The following NCS1 variants were observed in gnomAD, a reference collection of about 807,000 sequenced individuals.
NCS1 encodes neuronal calcium sensor 1.
Under a neutral mutation model 28.4 loss-of-function variants are expected in NCS1, and 6 were observed. That is an observed-to-expected ratio of 0.21 (90% CI 0.12 to 0.42). The LOEUF is 0.42. Ranked by LOEUF, NCS1 falls within the 10% of genes least tolerant of loss-of-function variation. NCS1 has a pLI of 1.00. For synonymous variants in NCS1, 86 were observed against 99.3 expected, an observed-to-expected ratio of 0.87 and a Z score of 0.79; for missense variants, 131 against 241.4, an observed-to-expected ratio of 0.54 and a Z score of 3.03.
At chr9:130,178,781 A>G (rs1207856987) in intron 1 of NCS1, among the ~76,000 whole-genome samples, 1 of 138,758 alleles carries the variant, frequency 7.2e-6, no homozygotes, top group East Asian at 3.5e-4. Flanking sequence ...TGGGGATGAC[A>G]TGAAAGACAG....
intron 4 of NCS1, among the ~76,000 whole-genome samples, chr9:130,222,110 A>G (rs1325407697): frequency 2.8e-5 from 1 of 35,964 alleles, no homozygotes; most frequent in African/African-American, 8.4e-5. Flanking sequence ...GTATATATAT[A>G]TACGTATATA....
At chr9:130,185,809 C>G (rs895272432) in intron 1 of NCS1, among the ~76,000 whole-genome samples, 1 of 152,286 alleles carries the variant, frequency 6.6e-6, no homozygotes, top group Non-Finnish European at 1.5e-5. Flanking sequence ...CCCACCACCC[C>G]CTGCGCGCCC....
chr9:130,222,978 G>T (rs1454366544), intron 5 of NCS1, 104 bp from the exon 6 acceptor site: 1 of 897,734 alleles, frequency 1.1e-6, no homozygotes, highest in East Asian at 2.9e-5. Flanking sequence ...AGAAGAGGGG[G>T]GCGGCCCTCA....
intron 1 of NCS1, among the ~76,000 whole-genome samples, chr9:130,199,491 T>C (rs80069412): frequency 2.6e-5 from 4 of 152,208 alleles, no homozygotes; most frequent in Non-Finnish European, 5.9e-5. Flanking sequence ...AGCACGGGGA[T>C]GGAGGCATCT....
intron 6 of NCS1, among the ~76,000 whole-genome samples, chr9:130,224,882 AC>A (rs1231175134): frequency 6.6e-6 from 1 of 152,226 alleles, no homozygotes; most frequent in African/African-American, 2.4e-5. Flanking sequence ...TCCAGGTGTT[AC>A]GTGCCTTCAG....
chr9:130,203,046 ATG>A (rs113946626), intron 2 of NCS1, among the ~76,000 whole-genome samples: 15,746 of 142,460 alleles, frequency 0.11, 1,109 homozygotes, highest in African/African-American at 0.21. Context: ...CAGGGTAAAT[ATG>A]TGTGTGTGTG....
intron 1 of NCS1, among the ~76,000 whole-genome samples, chr9:130,174,133 G>A (rs1832529958): frequency 6.6e-6 from 1 of 152,168 alleles, no homozygotes; most frequent in East Asian, 1.9e-4. Flanking sequence ...AGATTCGCTG[G>A]GGACTCCTTC....
chr9:130,180,765 G>A lies in NCS1; in HGVS notation c.64+8038G>A, dbSNP rs536711206. On this transcript the variant is annotated intron_variant, in intron 1 of 7. Transcript: ENST00000372398. This position sits in a 1 kb window ranked among gnomAD's most constrained non-coding sequence, Gnocchi z 4.5. ...CAGGAAGGAGGCTGCTGGACCGGCTGTATCAGGGACAGCCGTTCTTGGCCA... is the reference window on the plus strand; with the variant it reads ...CAGGAAGGAGGCTGCTGGACCGGCTATATCAGGGACAGCCGTTCTTGGCCA... Among the ~76,000 whole-genome samples the A allele has an allele frequency of 2.1e-4, 32 of 152,338 alleles. No homozygotes were observed. The East Asian group carries it at 4.8e-3, about 23-fold the overall frequency.
chr9:130,182,242 G>A (rs1832670125), intron 1 of NCS1, among the ~76,000 whole-genome samples: 1 of 152,198 alleles, frequency 6.6e-6, no homozygotes, highest in Non-Finnish European at 1.5e-5. Context: ...GCCAATCGAT[G>A]GCCAGTCGGG....
intron 1 of NCS1, among the ~76,000 whole-genome samples, chr9:130,198,191 A>G (rs1463179430): frequency 6.6e-6 from 1 of 152,036 alleles, no homozygotes; most frequent in Non-Finnish European, 1.5e-5. Flanking sequence ...GACCTTTCCA[A>G]TGGGGGGAGC....
chr9:130,174,790 C>CACAAAAAAAA lies in NCS1; in HGVS notation c.64+2064_64+2065insCAAAAAAAAA, dbSNP rs1554904442. Among the ~76,000 whole-genome samples the CACAAAAAAAA allele has an allele frequency of 2.6e-4, 24 of 91,588 alleles. 1 individual carries two copies. Among genetic ancestry groups the CACAAAAAAAA allele is most frequent in the African/African-American group, 1.2e-3 (24 of 19,660 alleles). The allele number at this position is 91,588 out of a possible 152,430, so 60.1% of individuals were successfully genotyped here. ...TGCTCCAAGAGGGAAACTCTGTCTCCAAAAAAAAAAAAAAAAAGCTCTGCT... is the reference window on the plus strand; with the variant it reads ...TGCTCCAAGAGGGAAACTCTGTCTCCACAAAAAAAAAAAAAAAAAAAAAAAAAGCTCTGCT... On this transcript the variant is annotated intron_variant, in intron 1 of 7. Transcript: ENST00000372398.
chr9:130,190,915 C>CTT, intron 1 of NCS1, among the ~76,000 whole-genome samples: 2 of 152,278 alleles, frequency 1.3e-5, no homozygotes, highest in Middle Eastern at 6.8e-3. Context: ...GGAAACGGGG[C>CTT]TTTGATTTTG....
In NCS1 at chr9:130,219,914, C is replaced by A; in HGVS notation, c.307+111C>A. ...GGTGCCAGACACCCACTGCAGTGACCACAGATGGCGTCCCAGCTGTGTCTG... is the reference window on the plus strand; with the variant it reads ...GGTGCCAGACACCCACTGCAGTGACAACAGATGGCGTCCCAGCTGTGTCTG... On this transcript the variant is annotated intron_variant, in intron 4 of 7. Coordinates refer to ENST00000372398, the MANE Select transcript of NCS1 (RefSeq NM_014286.4). This position sits in a 1 kb window ranked among gnomAD's most constrained non-coding sequence, Gnocchi z 5.7. 1 of 1,153,760 alleles carries A rather than the reference C, an allele frequency of 8.7e-7. No individual in the cohort carries two copies. The highest frequency in any genetic ancestry group is 1.3e-6 in the Non-Finnish European group (1 of 778,418). 71.5% of individuals were successfully genotyped at this position (1,153,760 alleles called of 1,614,324 possible).
At chr9:130,173,888 C>G (rs529492828) in intron 1 of NCS1, among the ~76,000 whole-genome samples, 2 of 152,196 alleles carry the variant, frequency 1.3e-5, no homozygotes, top group African/African-American at 4.8e-5. Flanking sequence ...TCCAAGCCCA[C>G]GCTTCAGCTC....
chr9:130,203,122 G>GTATATATA (rs71499224), intron 2 of NCS1, among the ~76,000 whole-genome samples: 3 of 98,362 alleles, frequency 3.0e-5, no homozygotes, highest in African/African-American at 1.0e-4. Flanking sequence ...GCGTGTGTAT[G>GTATATATA]TATATATATA....
At chr9:130,182,742 C>G (rs1281018993) in intron 1 of NCS1, among the ~76,000 whole-genome samples, 1 of 152,220 alleles carries the variant, frequency 6.6e-6, no homozygotes, top group African/African-American at 2.4e-5. Context: ...AGCAACGTAC[C>G]GCCATCTTAC....
chr9:130,218,604 T>TG (rs1281981734), intron 3 of NCS1, among the ~76,000 whole-genome samples: 11 of 152,154 alleles, frequency 7.2e-5, no homozygotes, highest in Admixed American at 7.2e-4. Flanking sequence ...GATTTTTTTT[T>TG]TTTTTGAGAC....
intron 1 of NCS1, among the ~76,000 whole-genome samples, 157 bp downstream of exon 1, chr9:130,172,884 GGGCCGCGCCCCT>G (rs1463305603): frequency 6.8e-6 from 1 of 146,862 alleles, no homozygotes; most frequent in Non-Finnish European, 1.5e-5. Flanking sequence ...GGAGGTTCCC[GGGCCGCGCCCCT>G]GCCCCCCGCC....
In NCS1 at chr9:130,172,739, C is replaced by T; in HGVS notation, c.64+12C>T. On this transcript the variant is annotated intron_variant, in intron 1 of 7. Coordinates refer to ENST00000372398, the MANE Select transcript of NCS1 (RefSeq NM_014286.4). The stretch of plus-strand genomic sequence containing the variant: ...CAGGAAGACCTACTGTGAGTGCTCC[C>T]AGCCCCCAGCCCGCGCCCCGCGGTC... 6.8e-7 allele frequency: 1 copy of T among 1,471,336 alleles called. No individual in the cohort carries two copies. The highest frequency in any genetic ancestry group is 9.1e-7 in the Non-Finnish European group (1 of 1,100,722). 91.1% of individuals were successfully genotyped at this position (1,471,336 alleles called of 1,614,324 possible).
Sources: allele counts gnomAD v4.1 joint callset (sites outside exome capture counted in the v4.1 genomes callset), GRCh38; gene constraint gnomAD v4.1.1; non-coding constraint Gnocchi (gnomAD v3.1); transcripts MANE v1.5; gene names NCBI Gene and HGNC (gene_info 2026-07-23, HGNC 2026-07-21).